Variants in SORCS2 observed in about 807,000 individuals in gnomAD.
The protein encoded by SORCS2 is sortilin related VPS10 domain containing receptor 2.
A neutral mutation model predicts 141.6 loss-of-function variants in SORCS2; 100 were observed. That is an observed-to-expected ratio of 0.71 (90% CI 0.60 to 0.83). The LOEUF is 0.83. Ranked by LOEUF, SORCS2 falls within the 40% of genes least tolerant of loss-of-function variation. The pLI is 0.00. For missense variants in SORCS2, 1,646 were observed against 1,560.2 expected, an observed-to-expected ratio of 1.05 and a Z score of -0.93; for synonymous variants, 789 against 676.9, an observed-to-expected ratio of 1.17 and a Z score of -2.57.
intron 3 of SORCS2, among the ~76,000 whole-genome samples, chr4:7,552,625 C>T (rs1289280282): frequency 2.0e-5 from 3 of 152,220 alleles, no homozygotes; most frequent in Non-Finnish European, 4.4e-5. Flanking sequence ...CCCTGGCCCC[C>T]CACAGGGATC....
chr4:7,401,888 T>C (rs1460459402), intron 2 of SORCS2, among the ~76,000 whole-genome samples: 1 of 152,170 alleles, frequency 6.6e-6, no homozygotes, highest in Non-Finnish European at 1.5e-5. Flanking sequence ...TGATTCTTTT[T>C]CGTTATCTTC....
chr4:7,262,556 C>T (rs1194231938), intron 1 of SORCS2, among the ~76,000 whole-genome samples: 1 of 152,184 alleles, frequency 6.6e-6, no homozygotes, highest in East Asian at 1.9e-4. Context: ...AGCAAATCAA[C>T]AAATATGATT....
intron 3 of SORCS2, among the ~76,000 whole-genome samples, chr4:7,550,457 C>A (rs533595613): frequency 5.3e-5 from 8 of 152,324 alleles, no homozygotes; most frequent in South Asian, 2.1e-4. Context: ...GGCAGCCAGG[C>A]GGCTTTGGTG....
chr4:7,658,059 T>C (rs926165137), intron 5 of SORCS2, among the ~76,000 whole-genome samples: 10 of 145,804 alleles, frequency 6.9e-5, no homozygotes, highest in African/African-American at 2.6e-4. Flanking sequence ...GTGAGTCTGA[T>C]TGAGCAAATG....
Position 7,725,147 on chromosome 4 carries a change from C to A in SORCS2, c.2612-7C>A, listed in dbSNP as rs368054455. The A allele has an allele frequency of 1.2e-5, 19 of 1,610,972 alleles. No homozygotes were observed. The highest frequency in any genetic ancestry group is 1.7e-4 in the Middle Eastern group (1 of 6,056). On this transcript the variant is annotated splice_polypyrimidine_tract_variant and splice_region_variant and intron_variant, in intron 19 of 26. Transcript: ENST00000507866. ...CATCTAACCCTGGCCTTTTTGGGTC[C>A]CCACAGCCCCCCTGCAGGCCCTCTA...
intron 2 of SORCS2, 83 bp downstream of exon 2, chr4:7,396,438 A>T: frequency 1.4e-6 from 2 of 1,422,686 alleles, no homozygotes. Context: ...CGAGATCCAA[A>T]CACCTCACTG....
intron 1 of SORCS2, among the ~76,000 whole-genome samples, chr4:7,367,631 GC>G (rs1283694387): frequency 6.6e-6 from 1 of 152,198 alleles, no homozygotes; most frequent in East Asian, 1.9e-4. Flanking sequence ...AGTAGGATTT[GC>G]CCCCATGGGG....
chr4:7,549,081 G>A (rs1389748292), intron 3 of SORCS2, among the ~76,000 whole-genome samples: 1 of 152,106 alleles, frequency 6.6e-6, no homozygotes, highest in Non-Finnish European at 1.5e-5. Context: ...TCCAAGCCTG[G>A]GGAGGGCAGG....
In SORCS2 at chr4:7,714,435, C is replaced by G. The variant is rs953586320; in HGVS notation, c.2123+62C>G. The G allele has an allele frequency of 6.0e-6, 9 of 1,511,998 alleles. No individual in the cohort carries two copies. The South Asian group carries it at 7.3e-5, about 12-fold the overall frequency. 93.7% of individuals were successfully genotyped at this position (1,511,998 alleles called of 1,614,324 possible). A position where few individuals can be genotyped will look rare whatever the true frequency, so the allele number is the denominator to read the frequency against. ...CTGCTTGAGCATCCTCACAGCATGG[C>G]GGCCACTTCCCTCAGAGTGAGGGAG... On this transcript the variant is annotated intron_variant, in intron 16 of 26. Transcript: ENST00000507866.
At chr4:7,423,295 A>T (rs1160501734) in intron 2 of SORCS2, among the ~76,000 whole-genome samples, 1 of 152,084 alleles carries the variant, frequency 6.6e-6, no homozygotes, top group Non-Finnish European at 1.5e-5. Flanking sequence ...TTATTTCTTT[A>T]TCTGTGGCCT....
chr4:7,669,718 C>T (rs1376849785), intron 8 of SORCS2, among the ~76,000 whole-genome samples: 3 of 152,172 alleles, frequency 2.0e-5, no homozygotes, highest in Non-Finnish European at 4.4e-5. Flanking sequence ...GCAAACCTCT[C>T]ACCTCATCCA....
intron 2 of SORCS2, among the ~76,000 whole-genome samples, chr4:7,528,402 G>A (rs59598878): frequency 6.8e-6 from 1 of 147,562 alleles, no homozygotes; most frequent in Non-Finnish European, 1.5e-5. Flanking sequence ...CAGCTGCTAC[G>A]TTTTTTTTTT....
intron 2 of SORCS2, among the ~76,000 whole-genome samples, chr4:7,408,461 T>G (rs1192229367): frequency 2.0e-5 from 3 of 152,162 alleles, no homozygotes; most frequent in African/African-American, 7.2e-5. Flanking sequence ...TTGAGAAGTC[T>G]GTTGCCGGAT....
At chr4:7,620,023 TCC>T (rs1719053248) in intron 3 of SORCS2, among the ~76,000 whole-genome samples, 1 of 150,056 alleles carries the variant, frequency 6.7e-6, no homozygotes, top group African/African-American at 2.5e-5. Context: ...TCCTCCTTCC[TCC>T]TCCTCCTCCT....
At chr4:7,525,456 C>G (rs1339116421) in intron 2 of SORCS2, among the ~76,000 whole-genome samples, 1 of 152,028 alleles carries the variant, frequency 6.6e-6, no homozygotes, top group Non-Finnish European at 1.5e-5. Flanking sequence ...CCAGACCCCC[C>G]AACCGTGCTT....
chr4:7,385,104 T>C (rs1013935305), intron 1 of SORCS2, among the ~76,000 whole-genome samples: 15 of 152,012 alleles, frequency 9.9e-5, no homozygotes, highest in Middle Eastern at 3.4e-3. Context: ...CTCAGGGGTG[T>C]ATGGGTAGGA....
intron 2 of SORCS2, among the ~76,000 whole-genome samples, chr4:7,523,814 A>G (rs1733493099): frequency 1.3e-5 from 2 of 151,936 alleles, no homozygotes; most frequent in African/African-American, 4.8e-5. Flanking sequence ...CAGGCCCCTC[A>G]CTGCTCCACC....
chr4:7,518,587 C>T (rs1733132115), intron 2 of SORCS2, among the ~76,000 whole-genome samples: 2 of 152,180 alleles, frequency 1.3e-5, no homozygotes, highest in South Asian at 4.1e-4. Flanking sequence ...TCCATCCTCC[C>T]AAATAGGTTG....
At chr4:7,200,206 C>G (rs561262639) in intron 1 of SORCS2, among the ~76,000 whole-genome samples, 7 of 152,120 alleles carry the variant, frequency 4.6e-5, no homozygotes, top group Admixed American at 6.5e-5. Flanking sequence ...CACCAGGGGC[C>G]GACTGAGGGG....
Sources: allele counts gnomAD v4.1 joint callset (sites outside exome capture counted in the v4.1 genomes callset), GRCh38; gene constraint gnomAD v4.1.1; transcripts MANE v1.5; gene names NCBI Gene and HGNC (gene_info 2026-07-23, HGNC 2026-07-21).